The following GPC5 variants were observed in gnomAD, a reference collection of about 807,000 sequenced individuals.
The protein encoded by GPC5 is glypican 5.
In GPC5, 47 loss-of-function variants were observed where a neutral mutation model predicts 53.9. The ratio of observed to expected loss-of-function variants is 0.87; its 90% CI spans 0.69 to 1.11. The LOEUF (loss-of-function observed/expected upper bound fraction) is 1.11. GPC5 is among the 50% of genes most tolerant of loss of function. The pLI, the probability that GPC5 is intolerant of heterozygous loss-of-function variation, is 0.00. For synonymous variants in GPC5, 286 were observed against 263.3 expected (o/e 1.09, Z -0.84); for missense variants, 748 against 713.1 (o/e 1.05, Z -0.56).
chr13:92,581,837 C>T (rs1883383056), intron 7 of GPC5, among the ~76,000 whole-genome samples: 1 of 152,010 alleles, frequency 6.6e-6, no homozygotes, highest in Admixed American at 6.6e-5. Flanking sequence ...ATTTTTATAC[C>T]TGTTGGCTAT....
intron 6 of GPC5, among the ~76,000 whole-genome samples, chr13:91,978,470 A>G (rs2040327752): frequency 1.3e-5 from 2 of 152,238 alleles, no homozygotes; most frequent in Admixed American, 1.3e-4. Context: ...TGTGGTGAGC[A>G]TTATAGTAGC....
chr13:92,744,051 G>C (rs1252878554), intron 7 of GPC5, among the ~76,000 whole-genome samples: 1 of 152,022 alleles, frequency 6.6e-6, no homozygotes, highest in Non-Finnish European at 1.5e-5. Flanking sequence ...CCAAAGAATT[G>C]GGAAGGGAAT....
At position 91,782,011 on chromosome 13, in the gene GPC5, A is replaced by G. The variant is rs2037805927; in HGVS notation, c.1280+25591A>G. Among the ~76,000 whole-genome samples, 4 of 152,350 alleles carry G rather than the reference A, an allele frequency of 2.6e-5. No homozygotes were observed. In the South Asian group the frequency reaches 8.3e-4, roughly 32 times the overall value. On this transcript the variant is annotated intron_variant, in intron 5 of 7. Transcript: ENST00000377067. ...AAACATATTAAAATATGACTTGTTG[A>G]AGGATAATATATTTTAGTTAAACAA...
At chr13:91,607,991 T>C (rs1219475814) in intron 2 of GPC5, among the ~76,000 whole-genome samples, 1 of 152,196 alleles carries the variant, frequency 6.6e-6, no homozygotes, top group Admixed American at 6.5e-5. Context: ...ACAAGCATTA[T>C]CCTCAAATAA....
intron 7 of GPC5, among the ~76,000 whole-genome samples, chr13:92,559,889 A>G (rs1882639684): frequency 2.0e-5 from 3 of 151,094 alleles, no homozygotes; most frequent in Admixed American, 1.3e-4. Context: ...GCTGACCATC[A>G]CACAAAGGAA....
intron 7 of GPC5, among the ~76,000 whole-genome samples, chr13:92,354,632 G>T (rs2043507477): frequency 6.6e-6 from 1 of 152,128 alleles, no homozygotes; most frequent in Non-Finnish European, 1.5e-5. Context: ...ACTAGATACT[G>T]GTAAGATTCA....
intron 6 of GPC5, among the ~76,000 whole-genome samples, chr13:92,044,162 A>C (rs1424676081): frequency 6.6e-6 from 1 of 152,160 alleles, no homozygotes; most frequent in Non-Finnish European, 1.5e-5. Context: ...GAAAATCTAT[A>C]CTTTGTCACC....
chr13:92,197,329 C>A (rs1384462889), intron 7 of GPC5, among the ~76,000 whole-genome samples: 1 of 152,142 alleles, frequency 6.6e-6, no homozygotes, highest in Non-Finnish European at 1.5e-5. Flanking sequence ...GTATCTACAT[C>A]CGTCTATATC....
intron 7 of GPC5, among the ~76,000 whole-genome samples, chr13:92,550,520 A>G (rs143759643): frequency 6.6e-6 from 1 of 151,850 alleles, no homozygotes; most frequent in Non-Finnish European, 1.5e-5. Flanking sequence ...CTTGATTTTC[A>G]ATCAGGATCC....
chr13:92,852,064 G>C (rs577864584), intron 7 of GPC5, among the ~76,000 whole-genome samples: 1 of 152,078 alleles, frequency 6.6e-6, no homozygotes, highest in South Asian at 2.1e-4. Context: ...GTACCAACAG[G>C]AGGACAACAG....
At chr13:91,797,571 A>C (rs2038066336) in intron 5 of GPC5, among the ~76,000 whole-genome samples, 1 of 152,146 alleles carries the variant, frequency 6.6e-6, no homozygotes, top group Admixed American at 6.5e-5. Context: ...ATTTAGTAAA[A>C]AGATATTTAA....
chr13:92,861,405 C>T (rs1879177933), intron 7 of GPC5, among the ~76,000 whole-genome samples: 1 of 152,174 alleles, frequency 6.6e-6, no homozygotes, highest in African/African-American at 2.4e-5. Flanking sequence ...TGGTTACACT[C>T]TCCTCTCTGT....
chr13:92,792,213 C>T (rs1440441682), intron 7 of GPC5, among the ~76,000 whole-genome samples: 4 of 152,022 alleles, frequency 2.6e-5, no homozygotes, highest in African/African-American at 4.8e-5. Flanking sequence ...GCAGATCTCT[C>T]GGCAGAAACC....
chr13:92,751,500 A>G (rs1281264673), intron 7 of GPC5, among the ~76,000 whole-genome samples: 1 of 150,462 alleles, frequency 6.6e-6, no homozygotes, highest in Non-Finnish European at 1.5e-5. Flanking sequence ...GTTCATTAGC[A>G]GCAGCTGCAC....
At chr13:91,762,677 C>A (rs2037439993) in intron 5 of GPC5, among the ~76,000 whole-genome samples, 1 of 151,294 alleles carries the variant, frequency 6.6e-6, no homozygotes, top group Non-Finnish European at 1.5e-5. Context: ...ATTATCATAC[C>A]TATAGCCTAT....
intron 7 of GPC5, among the ~76,000 whole-genome samples, chr13:92,396,537 T>C (rs1875285492): frequency 6.6e-6 from 1 of 152,124 alleles, no homozygotes; most frequent in Non-Finnish European, 1.5e-5. Flanking sequence ...TAAAAAATTT[T>C]ATTTTAAGTT....
intron 7 of GPC5, among the ~76,000 whole-genome samples, chr13:92,327,879 G>A (rs2043262838): frequency 6.6e-6 from 1 of 152,048 alleles, no homozygotes; most frequent in Non-Finnish European, 1.5e-5. Context: ...CACTAACAGT[G>A]CAACTTCTTA....
intron 7 of GPC5, among the ~76,000 whole-genome samples, chr13:92,574,199 A>G (rs955213177): frequency 1.3e-5 from 2 of 152,224 alleles, no homozygotes; most frequent in African/African-American, 4.8e-5. Flanking sequence ...TGATACAGAT[A>G]AAGTAGAAAT....
chr13:92,445,232 A>G (rs1016129431), intron 7 of GPC5, among the ~76,000 whole-genome samples: 8 of 143,174 alleles, frequency 5.6e-5, no homozygotes, highest in African/African-American at 1.8e-4. Flanking sequence ...CAAGAGATGT[A>G]TAGGTTCCTT....
Sources: gnomAD v4.1 joint callset for allele counts (sites outside exome capture counted in the v4.1 genomes callset) on GRCh38, gnomAD v4.1.1 for gene constraint, MANE v1.5 for transcripts, NCBI Gene and HGNC (gene_info 2026-07-23, HGNC 2026-07-21) for gene names.